SOX30: variants seen among roughly 807,000 people sequenced by gnomAD.
SOX30 encodes transcription factor SOX-30.
SOX30 carries 17 observed loss-of-function variants against 58.6 expected under a neutral mutation model. That is an observed-to-expected ratio of 0.29 (90% CI 0.20 to 0.44). The LOEUF is 0.44. SOX30 is among the 20% of genes least tolerant of loss of function. The pLI is 1.00. For missense variants in SOX30, 951 were observed against 965.8 expected (o/e 0.98, Z 0.20); for synonymous variants, 421 against 400.2 (o/e 1.05, Z -0.62).
rs1013786998 is a variant in SOX30, at chr5:157,627,866, C to T, written c.1881-1145G>A. ...AAAATTAGCCAGGCGTGGTGGCGGG[C>T]GCCTGTAGTCCCAGCTACTCAGGAG... On this transcript the variant is annotated intron_variant, in intron 4 of 4. Transcript: ENST00000265007. 5.3e-5 allele frequency among the ~76,000 whole-genome samples: 8 copies of T among 151,694 alleles called. No homozygotes were observed. The East Asian group carries it at 5.9e-4, about 11-fold the overall frequency.
chr5:157,670,802 G>T (rs113046128), intron 1 of SOX30, among the ~76,000 whole-genome samples: 1,802 of 152,268 alleles, frequency 0.012, 19 homozygotes, highest in South Asian at 0.049. Flanking sequence ...GACCCAGTGG[G>T]AAAAATGACT....
intron 3 of SOX30, among the ~76,000 whole-genome samples, chr5:157,640,930 G>C (rs1355367981): frequency 6.6e-6 from 1 of 152,148 alleles, no homozygotes; most frequent in Admixed American, 6.6e-5. Context: ...CTCCCTTGGA[G>C]AGCCAGCCAG....
At chr5:157,652,666 T>G (rs1561587577), upstream of SOX30, among the ~76,000 whole-genome samples, 2 of 152,258 alleles carry the variant, frequency 1.3e-5, no homozygotes, top group Non-Finnish European at 2.9e-5. Context: ...TCTTCGACTT[T>G]GTGTGATTAT....
rs558245937 is a variant in SOX30, at chr5:157,631,794, A to G, written c.1881-5073T>C. Among the ~76,000 whole-genome samples the G allele has an allele frequency of 1.1e-3, 171 of 149,690 alleles. 1 individual carries two copies. Among genetic ancestry groups the G allele is most frequent in the Middle Eastern group, 7.0e-3 (2 of 286 alleles). On this transcript the variant is annotated intron_variant, in intron 4 of 4. Coordinates refer to ENST00000265007, the MANE Select transcript of SOX30 (RefSeq NM_178424.2). ...AAAAAAAAAAAAAAATTAGAGCACA[A>G]TGGCTCATGCCTGTTAATTCCAGCA...
chr5:157,657,268 T>C (rs1262820096), upstream of SOX30, among the ~76,000 whole-genome samples: 2 of 152,208 alleles, frequency 1.3e-5, no homozygotes. Context: ...TGGTGTATAT[T>C]GTGAATAATT....
At chr5:157,647,313 G>A (rs186560258) in intron 2 of SOX30, among the ~76,000 whole-genome samples, 3 of 152,068 alleles carry the variant, frequency 2.0e-5, no homozygotes, top group African/African-American at 4.8e-5. Flanking sequence ...CGCCCGTCTC[G>A]GCCTCCCAAA....
chr5:157,650,825 G>A (rs979223023), intron 1 of SOX30, among the ~76,000 whole-genome samples: 14 of 152,078 alleles, frequency 9.2e-5, no homozygotes, highest in African/African-American at 2.4e-4. Context: ...AGGGCTATGC[G>A]CTGTCTAGCA....
chr5:157,640,945 C>T (rs1001435954), intron 3 of SOX30, among the ~76,000 whole-genome samples: 3 of 152,184 alleles, frequency 2.0e-5, no homozygotes, highest in African/African-American at 7.2e-5. Context: ...AGCCAGAGAA[C>T]CCTTTCTCCT....
intron 4 of SOX30, among the ~76,000 whole-genome samples, chr5:157,637,695 A>AGCCT (rs1397108986): frequency 6.6e-6 from 1 of 151,906 alleles, no homozygotes; most frequent in Admixed American, 6.6e-5. Context: ...CCAACATTAA[A>AGCCT]GCCTATATTC....
chr5:157,636,689 G>C (rs780243060), intron 4 of SOX30, among the ~76,000 whole-genome samples: 7 of 152,054 alleles, frequency 4.6e-5, no homozygotes, highest in Admixed American at 2.0e-4. Flanking sequence ...TACCTCAAAA[G>C]TTGTTTCTAT....
Position 157,652,279 on chromosome 5 carries a change from C to G in SOX30, c.-201G>C. ...GGCCAATCACAGGCGGGTTTTCCGG[C>G]TCTTCCTGGTCCCTACTCTCGCCTC... is the stretch of plus-strand genomic sequence containing the variant. On this transcript the variant is annotated 5_prime_UTR_variant, in exon 1 of 5. Transcript: ENST00000265007. The G allele has an allele frequency of 8.0e-7, 1 of 1,253,084 alleles. No individual in the cohort carries two copies. Among genetic ancestry groups the G allele is most frequent in the Non-Finnish European group, 1.0e-6 (1 of 1,002,246 alleles). The allele number at this position is 1,253,084 out of a possible 1,614,324, so 77.6% of individuals were successfully genotyped here.
chr5:157,652,409 C>T lies in SOX30; in HGVS notation c.-331G>A, dbSNP rs1759382041. 5.6e-6 allele frequency: 6 copies of T among 1,063,334 alleles called. No homozygotes were observed. Among genetic ancestry groups the T allele is most frequent in the Non-Finnish European group, 3.4e-6 (3 of 881,148 alleles). 65.9% of individuals were successfully genotyped at this position (1,063,334 alleles called of 1,614,324 possible). On this transcript the variant is annotated 5_prime_UTR_variant, in exon 1 of 5. It removes an upstream start codon present in the reference 5' UTR. Coordinates refer to ENST00000265007, the MANE Select transcript of SOX30 (RefSeq NM_178424.2). ...TTCTCTTACAGCCGTTGTCTTTAGT[C>T]ATCCCTCCCCCACCCGGAGCTGCGA...
chr5:157,645,978 C>G (rs1759181046), intron 3 of SOX30, among the ~76,000 whole-genome samples: 1 of 150,444 alleles, frequency 6.6e-6, no homozygotes, highest in African/African-American at 2.5e-5. Flanking sequence ...TGAGATTGCA[C>G]CATTGCTCCA....
chr5:157,657,635 T>C (rs1366232397), intron 2 of SOX30, among the ~76,000 whole-genome samples: 1 of 152,238 alleles, frequency 6.6e-6, no homozygotes, highest in Non-Finnish European at 1.5e-5. Context: ...GCTGATCCTT[T>C]GTTTTGTTTT....
chr5:157,647,099 T>C (rs1054163780), intron 2 of SOX30, among the ~76,000 whole-genome samples: 1 of 151,850 alleles, frequency 6.6e-6, no homozygotes, highest in African/African-American at 2.4e-5. Flanking sequence ...TCTTGCACTG[T>C]TGCCCGGGCT....
upstream of SOX30, among the ~76,000 whole-genome samples, chr5:157,653,242 ACT>A (rs1398530566): frequency 6.6e-6 from 1 of 152,116 alleles, no homozygotes; most frequent in Admixed American, 6.5e-5. Context: ...GCTTTTACTG[ACT>A]CTGAAAATCA....
At chr5:157,649,499 A>C (rs1759275048) in intron 1 of SOX30, among the ~76,000 whole-genome samples, 1 of 152,204 alleles carries the variant, frequency 6.6e-6, no homozygotes, top group Admixed American at 6.5e-5. Flanking sequence ...CAATAAAAAT[A>C]ATTTTTTGGG....
intron 2 of SOX30, among the ~76,000 whole-genome samples, chr5:157,659,767 C>T (rs1380759148): frequency 1.3e-5 from 2 of 152,162 alleles, no homozygotes; most frequent in African/African-American, 2.4e-5. Flanking sequence ...ATGTACATAG[C>T]TTCAGTCCAG....
At chr5:157,671,437 C>T in exon 1 of SOX30, 1 of 605,162 alleles carries the variant, frequency 1.7e-6, no homozygotes. Context: ...CCGGACTCTG[C>T]ACGCATGTCC....
Sources: allele counts gnomAD v4.1 joint callset (sites outside exome capture counted in the v4.1 genomes callset), GRCh38; gene constraint gnomAD v4.1.1; transcripts MANE v1.5; gene names NCBI Gene and HGNC (gene_info 2026-07-23, HGNC 2026-07-21).